The following ATP8A2 variants were observed in gnomAD, a reference collection of about 807,000 sequenced individuals.
ATP8A2 encodes phospholipid-transporting ATPase IB.
Under a neutral mutation model 165.6 loss-of-function variants are expected in ATP8A2, and 100 were observed. That is an observed-to-expected ratio of 0.60 (90% confidence interval 0.51 to 0.71). ATP8A2 has a LOEUF of 0.71. Among genes scored for constraint, ATP8A2 ranks in the 30% least tolerant of loss-of-function variants. The probability of loss-of-function intolerance (pLI) is 0.00; values close to 1 mark genes in which losing one functional copy is unlikely to be tolerated. For synonymous variants in ATP8A2, 543 were observed against 548.8 expected (o/e 0.99, Z 0.15); for missense variants, 1,227 against 1,479.5 (o/e 0.83, Z 2.80).
rs766314004 is a variant in ATP8A2, at chr13:25,579,858, G to A, written c.1918G>A (p.Glu640Lys). 1 of 1,613,898 alleles carries A rather than the reference G, an allele frequency of 6.2e-7. No homozygotes were observed. Among genetic ancestry groups the A allele is most frequent in the African/African-American group, 1.3e-5 (1 of 74,872 alleles). The change falls in exon 22 of 37, where the codon GAG becomes AAG. Residue 640 changes from glutamate to lysine, a missense_variant. Physicochemically the swap from Glu to Lys is moderately conservative, Grantham distance 56. This residue lies in a region of ATP8A2 where 592 missense variants were observed against 785.6 expected (regional missense o/e 0.75). Coordinates refer to ENST00000381655, the MANE Select transcript of ATP8A2 (RefSeq NM_016529.6). Reference protein sequence around the residue: ...AYADLSENEYEEWLKVYQEAS... With the variant: ...AYADLSENEYKEWLKVYQEAS... ...TGCTGATCTCTCTGAGAATGAGTAT[G>A]AGGAGTGGCTGAAAGTCTATCAGGA...
chr13:25,665,915 A>G (rs2042144032), intron 24 of ATP8A2, among the ~76,000 whole-genome samples: 1 of 148,854 alleles, frequency 6.7e-6, no homozygotes, highest in South Asian at 2.1e-4. Flanking sequence ...TATATTTTAT[A>G]AAATGAATAT....
intron 35 of ATP8A2, among the ~76,000 whole-genome samples, chr13:26,001,483 T>C (rs1219213086): frequency 2.0e-5 from 3 of 152,232 alleles, no homozygotes; most frequent in African/African-American, 7.2e-5. Context: ...CCAAGTAATG[T>C]GCAAGAGTTC....
chr13:26,008,109 A>G (rs1247348635), intron 35 of ATP8A2, among the ~76,000 whole-genome samples: 1 of 152,178 alleles, frequency 6.6e-6, no homozygotes, highest in Non-Finnish European at 1.5e-5. Context: ...GGGCCCTAGC[A>G]GAGGCAAAAG....
At chr13:25,916,175 G>A (rs1286563657) in intron 33 of ATP8A2, among the ~76,000 whole-genome samples, 5 of 152,176 alleles carry the variant, frequency 3.3e-5, no homozygotes, top group African/African-American at 9.7e-5. Flanking sequence ...GACAGAAAGG[G>A]AAAAAATTAT....
At chr13:25,961,792 C>G in intron 34 of ATP8A2, 129 bp downstream of exon 34, 1 of 705,930 alleles carries the variant, frequency 1.4e-6, no homozygotes, top group South Asian at 2.0e-5. Context: ...CTGCCACCTG[C>G]CAGAAATGAA....
intron 35 of ATP8A2, among the ~76,000 whole-genome samples, chr13:25,981,006 C>T (rs761417353): frequency 1.3e-5 from 2 of 152,112 alleles, no homozygotes; most frequent in Admixed American, 6.5e-5. Flanking sequence ...AGTCAATTGG[C>T]GTTAGCAATG....
At chr13:25,490,281 G>C (rs1314109308) in intron 2 of ATP8A2, among the ~76,000 whole-genome samples, 1 of 152,204 alleles carries the variant, frequency 6.6e-6, no homozygotes, top group Admixed American at 6.5e-5. Context: ...CCGTAAGGTG[G>C]GTGCTTCACT....
chr13:25,796,122 GTATTTA>G (rs1950493746), intron 27 of ATP8A2, among the ~76,000 whole-genome samples: 1 of 151,998 alleles, frequency 6.6e-6, no homozygotes, highest in African/African-American at 2.4e-5. Flanking sequence ...GCTAATTTTT[GTATTTA>G]TAGTAGAGAC....
In ATP8A2 at chr13:25,769,247, C is replaced by T. The variant is rs773723369; in HGVS notation, c.2568+18C>T. On this transcript the variant is annotated intron_variant, in intron 26 of 36. Transcript: ENST00000381655. ...TCGCACAGGTCAGCAGCTTGGGCGTCCAGCTGCCCTGTCCTGTTGAGAGAT... is the reference window on the plus strand; with the variant it reads ...TCGCACAGGTCAGCAGCTTGGGCGTTCAGCTGCCCTGTCCTGTTGAGAGAT... 1.3e-6 allele frequency: 2 copies of T among 1,598,298 alleles called. No homozygotes were observed. The highest frequency in any genetic ancestry group is 2.2e-5 in the East Asian group (1 of 44,538).
chr13:25,772,999 A>T (rs137977540), intron 26 of ATP8A2, among the ~76,000 whole-genome samples: 1,540 of 152,226 alleles, frequency 0.01, 19 homozygotes, highest in African/African-American at 0.035. Flanking sequence ...GCCTTAGGTG[A>T]TCTGCCCGCC....
intron 24 of ATP8A2, among the ~76,000 whole-genome samples, chr13:25,661,681 C>T (rs2042054140): frequency 6.6e-6 from 1 of 152,136 alleles, no homozygotes; most frequent in Non-Finnish European, 1.5e-5. Flanking sequence ...GAGATGAGAT[C>T]TATTATCTGA....
At chr13:25,829,604 C>G (rs1295911332) in intron 28 of ATP8A2, among the ~76,000 whole-genome samples, 2 of 140,694 alleles carry the variant, frequency 1.4e-5, no homozygotes, top group Non-Finnish European at 3.1e-5. Context: ...TGCCACATCC[C>G]TATTTTAGAA....
At chr13:25,708,753 T>C (rs552666940) in intron 25 of ATP8A2, among the ~76,000 whole-genome samples, 1 of 152,364 alleles carries the variant, frequency 6.6e-6, no homozygotes, top group East Asian at 1.9e-4. Flanking sequence ...TCTTACTCGT[T>C]GAACTTTAGA....
chr13:25,629,652 T>C lies in ATP8A2; in HGVS notation c.2211+39953T>C, dbSNP rs115129616. Among the ~76,000 whole-genome samples the C allele has an allele frequency of 4.9e-3, 752 of 152,304 alleles. 7 individuals carry two copies. The highest frequency in any genetic ancestry group is 0.018 in the African/African-American group (728 of 41,570). On this transcript the variant is annotated intron_variant, in intron 24 of 36. Coordinates refer to ENST00000381655, the MANE Select transcript of ATP8A2 (RefSeq NM_016529.6). The stretch of plus-strand genomic sequence containing the variant: ...CTATTTGAAGGAATAGCTTAAGCTA[T>C]GAGGCAAGGCCCATCAGAATGTCAT...
At chr13:25,864,962 A>G (rs767828143) in intron 33 of ATP8A2, among the ~76,000 whole-genome samples, 2 of 152,108 alleles carry the variant, frequency 1.3e-5, no homozygotes, top group African/African-American at 2.4e-5. Flanking sequence ...CTGTATTTTG[A>G]CTCAGTGCTT....
intron 24 of ATP8A2, among the ~76,000 whole-genome samples, chr13:25,658,252 G>T (rs1278431035): frequency 6.6e-6 from 1 of 152,204 alleles, no homozygotes; most frequent in Non-Finnish European, 1.5e-5. Flanking sequence ...AGAGGCAGAT[G>T]TGCCTCTAGA....
intron 33 of ATP8A2, among the ~76,000 whole-genome samples, chr13:25,909,806 TC>T (rs1954048361): frequency 1.3e-5 from 2 of 152,168 alleles, no homozygotes; most frequent in Non-Finnish European, 2.9e-5. Context: ...CCCGCCGCCC[TC>T]CCCCAACTCA....
At chr13:25,464,694 G>C (rs1047313718) in intron 1 of ATP8A2, among the ~76,000 whole-genome samples, 5 of 152,138 alleles carry the variant, frequency 3.3e-5, no homozygotes, top group Admixed American at 6.6e-5. Flanking sequence ...CCTAGCTGAT[G>C]GGCTCCCTGG....
At chr13:25,613,038 A>G (rs1275251551) in intron 24 of ATP8A2, among the ~76,000 whole-genome samples, 1 of 152,088 alleles carries the variant, frequency 6.6e-6, no homozygotes, top group African/African-American at 2.4e-5. Flanking sequence ...GAGTCTCTTA[A>G]AGACAGCAGA....
Sources: gnomAD v4.1 joint callset for allele counts (sites outside exome capture counted in the v4.1 genomes callset) on GRCh38, gnomAD v4.1.1 for gene constraint, gnomAD v4.1.1 regional missense constraint, MANE v1.5 for transcripts, NCBI Gene and HGNC (gene_info 2026-07-23, HGNC 2026-07-21) for gene names.